The following CLDN14 variants were observed in gnomAD, a reference collection of about 807,000 sequenced individuals.
The protein encoded by CLDN14 is claudin 14.
In CLDN14, 2 loss-of-function variants were observed where a neutral mutation model predicts 2.1. The observed-to-expected ratio is 0.96, with a 90% confidence interval of 0.39 to 3.01. CLDN14 has a LOEUF of 3.01. Ranked by LOEUF, CLDN14 falls within the 30% of genes most tolerant of loss-of-function variation. CLDN14 has a pLI of 0.09. For synonymous variants in CLDN14, 136 were observed against 154.4 expected (o/e 0.88, Z 0.88); for missense variants, 298 against 328.0 (o/e 0.91, Z 0.71).
rs754241192 is a variant in CLDN14, at chr21:36,518,404, C to T, written c.-219-7904G>A. Among the ~76,000 whole-genome samples, 150 of 152,094 alleles carry T rather than the reference C, an allele frequency of 9.9e-4. 2 individuals carry two copies. Among genetic ancestry groups the T allele is most frequent in the Non-Finnish European group, 1.2e-3 (82 of 68,026 alleles). On this transcript the variant is annotated intron_variant, in intron 1 of 2. Coordinates refer to the CLDN14 transcript ENST00000342108. Reference sequence around the variant, plus strand: ...TCACCTGAGGTCAGGAGTTTAAGACCAGCCTGTCCAACATGGTGAAACCCC... The same window carrying T: ...TCACCTGAGGTCAGGAGTTTAAGACTAGCCTGTCCAACATGGTGAAACCCC...
In CLDN14 at chr21:36,555,048, G is replaced by A. The variant is rs963614841; in HGVS notation, c.-220+21363C>T. ...TCCCTGGCATTCCTGAAATGCCCCT[G>A]GGCTAACCAGAGGCCTGGCACATGG... On this transcript the variant is annotated intron_variant, in intron 1 of 2. Transcript: ENST00000342108. 2.0e-5 allele frequency among the ~76,000 whole-genome samples: 3 copies of A among 152,228 alleles called. No individual in the cohort carries two copies. In the East Asian group the frequency reaches 5.8e-4, roughly 29 times the overall value.
intron 1 of CLDN14, among the ~76,000 whole-genome samples, chr21:36,469,050 G>A (rs2086680182): frequency 6.6e-6 from 1 of 152,128 alleles, no homozygotes; most frequent in South Asian, 2.1e-4. Context: ...GTGAGCCACT[G>A]TGCCCGGACT....
At chr21:36,552,698 A>G (rs903822094) in intron 1 of CLDN14, among the ~76,000 whole-genome samples, 18 of 137,984 alleles carry the variant, frequency 1.3e-4, no homozygotes, top group African/African-American at 4.5e-4. Context: ...ACAAAACAAA[A>G]CAAAACAAAA....
chr21:36,560,149 T>C (rs148609288), intron 1 of CLDN14, among the ~76,000 whole-genome samples: 17 of 152,274 alleles, frequency 1.1e-4, no homozygotes, highest in Non-Finnish European at 2.1e-4. Flanking sequence ...AAATGTGAGA[T>C]CAAAATCTTT....
intron 1 of CLDN14, among the ~76,000 whole-genome samples, chr21:36,479,054 C>G (rs549740880): frequency 6.6e-6 from 1 of 152,242 alleles, no homozygotes; most frequent in East Asian, 1.9e-4. Flanking sequence ...GTTCCCAAGT[C>G]TGGAAACTCG....
In CLDN14 at chr21:36,471,663, C is replaced by T. The variant is rs531414846; in HGVS notation, c.-82+7832G>A. Among the ~76,000 whole-genome samples, 24 of 152,308 alleles carry T rather than the reference C, an allele frequency of 1.6e-4. No homozygotes were observed. The South Asian group carries it at 1.7e-3, about 11-fold the overall frequency. ...AAATCCAGCAGAGCCCACTAGGCTC[C>T]GCCTTTAGTCAGGACTTACAGCAAA... On this transcript the variant is annotated intron_variant, in intron 1 of 1. Transcript: ENST00000399135.
intron 2 of CLDN14, among the ~76,000 whole-genome samples, chr21:36,503,121 T>G (rs1343935448): frequency 6.6e-6 from 1 of 152,182 alleles, no homozygotes; most frequent in Non-Finnish European, 1.5e-5. Context: ...TGGCACAATC[T>G]TGGCTCACTG....
intron 1 of CLDN14, among the ~76,000 whole-genome samples, chr21:36,515,872 C>T (rs527457244): frequency 1.7e-3 from 247 of 143,590 alleles, no homozygotes; most frequent in Middle Eastern, 0.016. Flanking sequence ...CTGCAACCTC[C>T]GCCTCCCGGG....
chr21:36,461,360 G>C lies in CLDN14; in HGVS notation c.336C>G (p.Pro112=), dbSNP rs754350037. The C allele has an allele frequency of 1.9e-6, 3 of 1,613,264 alleles. No individual in the cohort carries two copies. Among genetic ancestry groups the C allele is most frequent in the African/African-American group, 1.3e-5 (1 of 75,066 alleles). ...CGAGGATGGCAAAGGTGGTCTTGGC[G>C]GGTGTGCCCTTGGCGCAGCGCGTGC... ...MKCTRCAKGT[P]AKTTFAILGG... Residue 112 remains proline, a synonymous_variant, in exon 2 of 2, where the codon CCC becomes CCG. Transcript: ENST00000399135.
At chr21:36,476,747 G>A (rs2086784901) in intron 1 of CLDN14, among the ~76,000 whole-genome samples, 7 of 152,210 alleles carry the variant, frequency 4.6e-5, no homozygotes, top group Admixed American at 4.6e-4. Flanking sequence ...CACTGCCCTC[G>A]GCCCATGGAT....
chr21:36,476,606 C>T (rs1015132208), intron 1 of CLDN14, among the ~76,000 whole-genome samples: 1 of 152,218 alleles, frequency 6.6e-6, no homozygotes, highest in African/African-American at 2.4e-5. Flanking sequence ...GCGCCTGCTA[C>T]CATGTCTGGC....
At chr21:36,480,333 T>C (rs965706231), upstream of CLDN14, 9 of 152,284 alleles carry the variant, frequency 5.9e-5, no homozygotes, top group African/African-American at 2.2e-4. Flanking sequence ...AAGTTGGAGA[T>C]AAGAGACATG....
intron 1 of CLDN14, among the ~76,000 whole-genome samples, chr21:36,465,446 G>GC (rs2086633298): frequency 6.6e-6 from 1 of 152,132 alleles, no homozygotes; most frequent in Non-Finnish European, 1.5e-5. Flanking sequence ...GTGTTAATGA[G>GC]CCCCCAACTC....
Position 36,499,040 on chromosome 21 carries a change from T to C in CLDN14, c.-82+11323A>G, listed in dbSNP as rs1260668058. Among the ~76,000 whole-genome samples the C allele has an allele frequency of 6.6e-6, 1 of 152,130 alleles. No individual in the cohort carries two copies. Among genetic ancestry groups the C allele is most frequent in the Non-Finnish European group, 1.5e-5 (1 of 68,016 alleles). On this transcript the variant is annotated intron_variant, in intron 2 of 2. Coordinates refer to the CLDN14 transcript ENST00000342108. This position sits in a 1 kb window ranked among gnomAD's most constrained non-coding sequence, Gnocchi z 4.7. ...TGGCCAGTTTCAGGGCACATGACAA[T>C]CACCGATATGACAGAAGGGTAACCT...
rs746102559 is a variant in CLDN14 at position 36,461,246 on chromosome 21, C to T, written c.450G>A (p.Pro150=). ...TNDVVQNFYN[P]LLPSGMKFEI... Reference sequence around the variant, plus strand: ...CAAACTTCATGCCGCTGGGCAGCAGCGGGTTGTAGAAGTTCTGCACCACGT... The same window carrying T: ...CAAACTTCATGCCGCTGGGCAGCAGTGGGTTGTAGAAGTTCTGCACCACGT... The change falls in exon 2 of 2, where the codon CCG becomes CCA. Residue 150 remains proline (P), a synonymous_variant. Coordinates refer to ENST00000399135, the MANE Select transcript of CLDN14 (RefSeq NM_001146079.2). The T allele has an allele frequency of 9.3e-6, 15 of 1,613,822 alleles. No individual in the cohort carries two copies. Among genetic ancestry groups the T allele is most frequent in the Middle Eastern group, 1.6e-4 (1 of 6,082 alleles).
intron 1 of CLDN14, among the ~76,000 whole-genome samples, chr21:36,555,407 A>AT (rs2087591944): frequency 6.6e-6 from 1 of 152,280 alleles, no homozygotes; most frequent in Admixed American, 6.5e-5. Flanking sequence ...GTGCGCTGTT[A>AT]TGCTTCAAAA....
intron 1 of CLDN14, among the ~76,000 whole-genome samples, chr21:36,547,602 A>G (rs1408532121): frequency 1.3e-5 from 2 of 152,126 alleles, no homozygotes; most frequent in African/African-American, 4.8e-5. Flanking sequence ...ATTGTTCGAG[A>G]GCGAAGTTAA....
At chr21:36,470,754 A>G (rs1385977992) in intron 1 of CLDN14, among the ~76,000 whole-genome samples, 1 of 152,028 alleles carries the variant, frequency 6.6e-6, no homozygotes, top group Non-Finnish European at 1.5e-5. Context: ...TGGGAGGATC[A>G]CTTGAGCTGA....
intron 1 of CLDN14, among the ~76,000 whole-genome samples, chr21:36,545,113 G>T (rs1361218018): frequency 6.6e-6 from 1 of 152,212 alleles, no homozygotes; most frequent in Non-Finnish European, 1.5e-5. Context: ...GGGAGGCAGG[G>T]CTCTCTTGCC....
Sources: allele counts gnomAD v4.1 joint callset (sites outside exome capture counted in the v4.1 genomes callset), GRCh38; gene constraint gnomAD v4.1.1; non-coding constraint Gnocchi (gnomAD v3.1); transcripts MANE v1.5; gene names NCBI Gene and HGNC (gene_info 2026-07-23, HGNC 2026-07-21).